Variants in KCNQ2 observed in about 807,000 individuals in gnomAD.
KCNQ2 encodes potassium voltage-gated channel subfamily Q member 2, also known as potassium voltage-gated channel subfamily KQT member 2.
In KCNQ2, 14 loss-of-function variants were observed where a neutral mutation model predicts 84.8. The ratio of observed to expected loss-of-function variants is 0.17; its 90% CI spans 0.11 to 0.26. KCNQ2 has a LOEUF of 0.26. Among genes scored for constraint, KCNQ2 ranks in the 10% least tolerant of loss-of-function variants. The pLI is 1.00. For synonymous variants in KCNQ2, 599 were observed against 554.1 expected, an observed-to-expected ratio of 1.08 and a Z score of -1.14; for missense variants, 788 against 1,254.0, an observed-to-expected ratio of 0.63 and a Z score of 5.61.
intron 15 of KCNQ2, among the ~76,000 whole-genome samples, chr20:63,412,780 G>T (rs1601563766): frequency 6.6e-6 from 1 of 152,222 alleles, no homozygotes; most frequent in African/African-American, 2.4e-5. Flanking sequence ...ACCCTGATAG[G>T]CAGGAGCATG....
In KCNQ2 at chr20:63,405,861, G is replaced by A. The variant is rs908754151; in HGVS notation, c.*783C>T. The A allele has an allele frequency of 1.3e-5, 2 of 152,212 alleles. No individual in the cohort carries two copies. The highest frequency in any genetic ancestry group is 4.8e-5 in the African/African-American group (2 of 41,420). 9.4% of individuals were successfully genotyped at this position (152,212 alleles called of 1,614,324 possible). A position where few individuals can be genotyped will look rare whatever the true frequency, so the allele number is the denominator to read the frequency against. On this transcript the variant is annotated 3_prime_UTR_variant, in exon 17 of 17. Coordinates refer to ENST00000359125, the MANE Select transcript of KCNQ2 (RefSeq NM_172107.4). The stretch of plus-strand genomic sequence containing the variant: ...GGACCCCCTTTTTGAAGACCCTTTG[G>A]AGCCGGCTCCCTGGCCCCACCGTGA...
intron 5 of KCNQ2, among the ~76,000 whole-genome samples, chr20:63,441,465 T>G (rs1002678349): frequency 1.6e-4 from 25 of 152,110 alleles, no homozygotes; most frequent in South Asian, 2.1e-4. Flanking sequence ...TTAGTAACTC[T>G]CTGACATTTA....
chr20:63,418,048 CT>C (rs914536958), intron 12 of KCNQ2, among the ~76,000 whole-genome samples: 1 of 152,190 alleles, frequency 6.6e-6, no homozygotes, highest in African/African-American at 2.4e-5. Flanking sequence ...CTTCCCTCCC[CT>C]GGACCTCCAC....
chr20:63,454,525 G>C (rs1046525888), intron 1 of KCNQ2, among the ~76,000 whole-genome samples: 1 of 152,224 alleles, frequency 6.6e-6, no homozygotes, highest in Non-Finnish European at 1.5e-5. Context: ...GGACAGACCA[G>C]GGAAGAAACC....
In KCNQ2 at chr20:63,446,636, T is replaced by C. The variant is rs1037745852; in HGVS notation, c.387+111A>G. ...CAGGGCACAAAGACATGGCCAGAGC[T>C]GGGGCTGGGGGCGTCAGAGGCCCTG... On this transcript the variant is annotated intron_variant, in intron 2 of 16. Coordinates refer to ENST00000359125, the MANE Select transcript of KCNQ2 (RefSeq NM_172107.4). This position sits in a 1 kb window ranked among gnomAD's most constrained non-coding sequence, Gnocchi z 5.5. 4.5e-6 allele frequency: 4 copies of C among 891,522 alleles called. No homozygotes were observed. In the African/African-American group the frequency reaches 6.6e-5, roughly 15 times the overall value. 55.2% of individuals were successfully genotyped at this position (891,522 alleles called of 1,614,324 possible).
chr20:63,432,258 G>A (rs1276166815), intron 8 of KCNQ2, among the ~76,000 whole-genome samples: 1 of 149,466 alleles, frequency 6.7e-6, no homozygotes, highest in Admixed American at 6.6e-5. Context: ...CCACAGGGAA[G>A]GCCCCAGCCT....
chr20:63,428,115 C>T (rs1372595790), intron 10 of KCNQ2, among the ~76,000 whole-genome samples: 3 of 152,344 alleles, frequency 2.0e-5, no homozygotes, highest in African/African-American at 4.8e-5. Flanking sequence ...GCAGAGCCCC[C>T]GGCCCCATAT....
At chr20:63,439,400 G>A (rs1324359211) in intron 6 of KCNQ2, among the ~76,000 whole-genome samples, 198 bp downstream of exon 6, 1 of 152,194 alleles carries the variant, frequency 6.6e-6, no homozygotes, top group East Asian at 1.9e-4. Context: ...CGGGGCTGGG[G>A]AACCCCCACT....
At chr20:63,469,182 C>T (rs1277435769) in intron 1 of KCNQ2, among the ~76,000 whole-genome samples, 1 of 152,290 alleles carries the variant, frequency 6.6e-6, no homozygotes, top group Non-Finnish European at 1.5e-5. Context: ...GTGATCTGGC[C>T]CAGAGTCCCC....
At position 63,415,201 on chromosome 20, in the gene KCNQ2, C is replaced by T. The variant is rs901663344; in HGVS notation, c.1302-75G>A. ...ACTCTGCAAAGAACACAGGCCGTGTCTGCTCATGGCCGACGCCGCCCATGC... is the reference window on the plus strand; with the variant it reads ...ACTCTGCAAAGAACACAGGCCGTGTTTGCTCATGGCCGACGCCGCCCATGC... On this transcript the variant is annotated intron_variant, in intron 12 of 16. Coordinates refer to ENST00000359125, the MANE Select transcript of KCNQ2 (RefSeq NM_172107.4). 20 of 1,338,416 alleles carry T rather than the reference C, an allele frequency of 1.5e-5. No individual in the cohort carries two copies. The African/African-American group carries it at 2.6e-4, about 17-fold the overall frequency. 82.9% of individuals were successfully genotyped at this position (1,338,416 alleles called of 1,614,324 possible). A position where few individuals can be genotyped will look rare whatever the true frequency, so the allele number is the denominator to read the frequency against.
intron 15 of KCNQ2, chr20:63,410,943 G>A (rs1012281940): frequency 4.5e-6 from 2 of 447,320 alleles, no homozygotes; most frequent in Middle Eastern, 3.4e-4. Context: ...CCAGAAGACA[G>A]GGAACCACCG....
At chr20:63,445,668 T>TAGGGGACCATGTCTGAGCTGGGAG in intron 2 of KCNQ2, 2 of 168,948 alleles carry the variant, frequency 1.2e-5, no homozygotes, top group Non-Finnish European at 2.0e-5. Flanking sequence ...CTGGCAGGGC[T>TAGGGGACCATGTCTGAGCTGGGAG]GCCCTGTCTG....
chr20:63,424,479 C>T, intron 10 of KCNQ2: 1 of 546,666 alleles, frequency 1.8e-6, no homozygotes, highest in East Asian at 2.9e-5. Flanking sequence ...GGTCTCTACC[C>T]CTCCACATTT....
chr20:63,401,960 C>T lies in KCNQ2; in HGVS notation c.*4684G>A, dbSNP rs1037316272. The T allele has an allele frequency of 7.7e-5, 14 of 182,584 alleles. No homozygotes were observed. The highest frequency in any genetic ancestry group is 4.0e-4 in the Admixed American group (6 of 15,178). The allele number at this position is 182,584 out of a possible 1,614,324, so 11.3% of individuals were successfully genotyped here. ...TACCACGTCTGCTGGGCACCCTCCA[C>T]GGCAGGTCCAAGCCTCATGAGCCAT... On this transcript the variant is annotated 3_prime_UTR_variant, in exon 17 of 17. Coordinates refer to ENST00000359125, the MANE Select transcript of KCNQ2 (RefSeq NM_172107.4).
At chr20:63,420,347 G>C (rs1425409360) in intron 11 of KCNQ2, among the ~76,000 whole-genome samples, 1 of 152,210 alleles carries the variant, frequency 6.6e-6, no homozygotes, top group African/African-American at 2.4e-5. Flanking sequence ...GTTTTCCCAA[G>C]AATCTCCCCA....
chr20:63,442,796 A>G (rs2081229362), intron 4 of KCNQ2, among the ~76,000 whole-genome samples: 1 of 94,712 alleles, frequency 1.1e-5, no homozygotes, highest in Non-Finnish European at 2.2e-5. Context: ...CATCACCATT[A>G]CCACCACCAT....
At chr20:63,443,147 C>T (rs1284758770) in intron 4 of KCNQ2, among the ~76,000 whole-genome samples, 8 of 108,796 alleles carry the variant, frequency 7.4e-5, no homozygotes, top group Non-Finnish European at 7.8e-5. Context: ...ATCACCACCA[C>T]CATCACCGGC....
At chr20:63,411,858 CGGGGG>C (rs746731955) in intron 15 of KCNQ2, 1 of 708,002 alleles carries the variant, frequency 1.4e-6, no homozygotes, top group African/African-American at 1.8e-5. Context: ...TTGAAGGGGG[CGGGGG>C]ACCCACAATC....
rs561104672 is a variant in KCNQ2, at chr20:63,421,859, C to A, written c.1248-2187G>T. Among the ~76,000 whole-genome samples, 398 of 152,234 alleles carry A rather than the reference C, an allele frequency of 2.6e-3. 3 individuals carry two copies. The highest frequency in any genetic ancestry group is 6.8e-3 in the Middle Eastern group (2 of 294). On this transcript the variant is annotated intron_variant, in intron 11 of 16. Transcript: ENST00000359125. ...CTGGGGCAGCACGGCCCGAGCCCCG[C>A]AGCCTGCCTGGCTCCCCACCCGACC...
Sources: gnomAD v4.1 joint callset for allele counts (sites outside exome capture counted in the v4.1 genomes callset) on GRCh38, gnomAD v4.1.1 for gene constraint, Gnocchi (gnomAD v3.1) non-coding constraint, MANE v1.5 for transcripts, NCBI Gene and HGNC (gene_info 2026-07-23, HGNC 2026-07-21) for gene names.